The following SPEF1 variants were observed in gnomAD, a reference collection of about 807,000 sequenced individuals.
SPEF1 encodes sperm flagellar and cilia associated 1.
SPEF1 carries 30 observed loss-of-function variants against 31.8 expected under a neutral mutation model. The ratio of observed to expected loss-of-function variants is 0.94; its 90% CI spans 0.70 to 1.28. The LOEUF is 1.28. Among genes scored for constraint, SPEF1 ranks in the 50% most tolerant of loss-of-function variants. The pLI, the probability that SPEF1 is intolerant of heterozygous loss-of-function variation, is 0.00. For synonymous variants in SPEF1, 126 were observed against 130.1 expected, an observed-to-expected ratio of 0.97 and a Z score of 0.21; for missense variants, 298 against 309.6, an observed-to-expected ratio of 0.96 and a Z score of 0.28.
rs368982082 is a variant in SPEF1 at position 3,779,062 on chromosome 20, G to A, written c.379-72C>T. The A allele has an allele frequency of 3.8e-5, 61 of 1,608,558 alleles. 1 individual carries two copies. The African/African-American group carries it at 6.6e-4, about 17-fold the overall frequency. ...CCAAGGAGCCCCATGTCCCTTCCAC[G>A]GGCCCCCAGGCCAGGCTCTATTAGC... On this transcript the variant is annotated intron_variant, in intron 3 of 6. Coordinates refer to ENST00000379756, the MANE Select transcript of SPEF1 (RefSeq NM_015417.5).
intron 1 of SPEF1, among the ~76,000 whole-genome samples, chr20:3,780,788 C>G (rs2088774838): frequency 6.6e-6 from 1 of 152,094 alleles, no homozygotes; most frequent in African/African-American, 2.4e-5. Flanking sequence ...CACAAGACCC[C>G]CCCAAATACA....
At chr20:3,778,349 G>A (rs373825717) in intron 6 of SPEF1, 30 bp from the exon 7 acceptor site, 64 of 1,612,262 alleles carry the variant, frequency 4.0e-5, no homozygotes, top group Non-Finnish European at 4.8e-5. Context: ...CGTCAAGCCT[G>A]GCGGTCTGCT....
At chr20:3,779,533 G>A in intron 2 of SPEF1, 131 bp downstream of exon 2, 1 of 883,996 alleles carries the variant, frequency 1.1e-6, no homozygotes, top group South Asian at 1.5e-5. Context: ...CTTCCTAATA[G>A]AAGAGTCTCT....
At chr20:3,778,692 G>T in intron 5 of SPEF1, 54 bp downstream of exon 5, 2 of 1,599,710 alleles carry the variant, frequency 1.3e-6, no homozygotes, top group East Asian at 2.2e-5. Flanking sequence ...CCCAACCCCA[G>T]CTGTGTGCAG....
rs75877116 is a variant in SPEF1, at chr20:3,780,109, G to T, written c.110-334C>A. On this transcript the variant is annotated intron_variant, in intron 1 of 6. Transcript: ENST00000379756. ...TCCCAACACTTTGGGAGGCTGAGGC[G>T]GGTAGATCACCTGAGGCCAGGAGTT... Among the ~76,000 whole-genome samples the T allele has an allele frequency of 4.4e-4, 67 of 151,492 alleles. No individual in the cohort carries two copies. The East Asian group carries it at 0.012, about 28-fold the overall frequency.
At chr20:3,779,460 G>A (rs1230843321) in intron 2 of SPEF1, 108 bp from the exon 3 acceptor site, 4 of 1,054,780 alleles carry the variant, frequency 3.8e-6, no homozygotes, top group African/African-American at 3.1e-5. Context: ...GTACAGCCCT[G>A]GGGGAGTGAA....
Position 3,779,361 on chromosome 20 carries a change from T to C in SPEF1, c.222-9A>G. ...GCCTCTTCAGTACCTTCCTGAGGGG[T>C]AGACATTGGGATAGCAGATTGGGTC... On this transcript the variant is annotated splice_polypyrimidine_tract_variant and intron_variant, in intron 2 of 6. Coordinates refer to ENST00000379756, the MANE Select transcript of SPEF1 (RefSeq NM_015417.5). 2 of 1,585,668 alleles carry C rather than the reference T, an allele frequency of 1.3e-6. No individual in the cohort carries two copies. The highest frequency in any genetic ancestry group is 1.7e-6 in the Non-Finnish European group (2 of 1,159,850).
In SPEF1 at chr20:3,781,292, G is replaced by C; in HGVS notation, c.-5C>G. The C allele has an allele frequency of 6.2e-7, 1 of 1,613,102 alleles. No homozygotes were observed. On this transcript the variant is annotated 5_prime_UTR_variant, in exon 1 of 7. Coordinates refer to ENST00000379756, the MANE Select transcript of SPEF1 (RefSeq NM_015417.5). ...CTCGTCCACGCTGCTCGCCATTGGC[G>C]TCCTCACGGCCTGGCCGCCCCAGCG...
intron 1 of SPEF1, among the ~76,000 whole-genome samples, chr20:3,780,043 G>A (rs1022211153): frequency 2.6e-5 from 4 of 152,086 alleles, no homozygotes; most frequent in African/African-American, 9.7e-5. Flanking sequence ...TGGTCCTCCA[G>A]TAGAGAATGA....
At chr20:3,778,664 G>A in intron 5 of SPEF1, 82 bp downstream of exon 5, 1 of 1,585,098 alleles carries the variant, frequency 6.3e-7, no homozygotes, top group East Asian at 2.3e-5. Flanking sequence ...CCCGTCTCAG[G>A]CTCAGCGTAC....
chr20:3,779,987 GC>G (rs2088770281), intron 1 of SPEF1, among the ~76,000 whole-genome samples: 3 of 152,146 alleles, frequency 2.0e-5, no homozygotes, highest in Admixed American at 2.0e-4. Context: ...CCTCAGAGGA[GC>G]TGCATCCCTT....
chr20:3,779,024 G>C lies in SPEF1; in HGVS notation c.379-34C>G, dbSNP rs376631906. 46 of 1,613,930 alleles carry C rather than the reference G, an allele frequency of 2.9e-5. No homozygotes were observed. In the African/African-American group the frequency reaches 5.3e-4, roughly 19 times the overall value. On this transcript the variant is annotated intron_variant, in intron 3 of 6. Coordinates refer to ENST00000379756, the MANE Select transcript of SPEF1 (RefSeq NM_015417.5). ...ACCCCGGGGGTCCGCTGTAAGCCCG[G>C]GCTCAGTCATCCCCAAGGAGCCCCA...
Position 3,781,291 on chromosome 20 carries a change from C to T in SPEF1, c.-4G>A. 1.2e-6 allele frequency: 2 copies of T among 1,613,190 alleles called. No individual in the cohort carries two copies. The highest frequency in any genetic ancestry group is 8.5e-7 in the Non-Finnish European group (1 of 1,179,692). ...CCTCGTCCACGCTGCTCGCCATTGG[C>T]GTCCTCACGGCCTGGCCGCCCCAGC... On this transcript the variant is annotated 5_prime_UTR_variant, in exon 1 of 7. Transcript: ENST00000379756.
At position 3,779,279 on chromosome 20, in the gene SPEF1, C is replaced by T. The variant is rs779600290; in HGVS notation, c.295G>A (p.Val99Met). ...MRKIAQCAPG[V>M]VELVLIPLRQ... ...AGCGGGATGAGCACCAGCTCCACCA[C>T]GCCTGGGGCGCACTGCGCGATCTTG... The change falls in exon 3 of 7, where the codon GTG becomes ATG. Residue 99 changes from valine to methionine, a missense_variant. By Grantham distance (21) the Val-to-Met change is conservative. Coordinates refer to ENST00000379756, the MANE Select transcript of SPEF1 (RefSeq NM_015417.5). 15 of 1,598,622 alleles carry T rather than the reference C, an allele frequency of 9.4e-6. No homozygotes were observed. Among genetic ancestry groups the T allele is most frequent in the Middle Eastern group, 1.7e-4 (1 of 6,024 alleles).
Position 3,781,272 on chromosome 20 carries a change from C to T in SPEF1, c.16G>A (p.Asp6Asn), listed in dbSNP as rs760069339. The change falls in exon 1 of 7, where the codon GAC (aspartate) becomes AAC (asparagine). Residue 6 changes from aspartate to asparagine, a missense_variant. Asp to Asn is a conservative substitution (Grantham distance 23). Transcript: ENST00000379756. ...TACAGCTGGTGCAGCGCCTCCTCGT[C>T]CACGCTGCTCGCCATTGGCGTCCTC... MASSV[D>N]EEALHQLYLW... 21 of 1,613,910 alleles carry T rather than the reference C, an allele frequency of 1.3e-5. No individual in the cohort carries two copies. The highest frequency in any genetic ancestry group is 1.6e-5 in the Non-Finnish European group (19 of 1,179,982).
Position 3,779,578 on chromosome 20 carries a change from A to T in SPEF1, c.221+86T>A, listed in dbSNP as rs1600362171. 2.9e-6 allele frequency: 3 copies of T among 1,044,550 alleles called. No homozygotes were observed. In the South Asian group the frequency reaches 3.9e-5, roughly 14 times the overall value. The allele number at this position is 1,044,550 out of a possible 1,614,324, so 64.7% of individuals were successfully genotyped here. On this transcript the variant is annotated intron_variant, in intron 2 of 6. Coordinates refer to ENST00000379756, the MANE Select transcript of SPEF1 (RefSeq NM_015417.5). Reference sequence around the variant, plus strand: ...AATCGGACGAATTCTGTCTGCGTTGACCCTCCCCACCCTGCCACCAAAACA... The same window carrying T: ...AATCGGACGAATTCTGTCTGCGTTGTCCCTCCCCACCCTGCCACCAAAACA...
intron 5 of SPEF1, 91 bp from the exon 6 acceptor site, chr20:3,778,635 T>G: frequency 6.4e-7 from 1 of 1,566,480 alleles, no homozygotes; most frequent in Non-Finnish European, 8.6e-7. Flanking sequence ...CTTCTCCCCC[T>G]CTAGCCCCTT....
Position 3,779,681 on chromosome 20 carries a change from G to C in SPEF1, c.204C>G (p.Asn68Lys), listed in dbSNP as rs1186691298. 6.2e-7 allele frequency: 1 copy of C among 1,613,018 alleles called. No individual in the cohort carries two copies. The highest frequency in any genetic ancestry group is 8.5e-7 in the Non-Finnish European group (1 of 1,179,028). ...TCTGCTACCTGTTCAGATGACCCCA[G>C]TTGCTGAGCTTCTGCTGGAGAGAGT... ...PANSLQQKLS[N>K]WGHLNRKVLK... The change falls in exon 2 of 7, where the codon AAC becomes AAG. Residue 68 changes from asparagine (N) to lysine (K), a missense_variant. By Grantham distance (94) the Asn-to-Lys change is moderately conservative. Transcript: ENST00000379756.
Position 3,777,766 on chromosome 20 carries a change from A to C in SPEF1, c.*446T>G. On this transcript the variant is annotated 3_prime_UTR_variant, in exon 7 of 7. Transcript: ENST00000379756. The surrounding 1 kb of genome is among the most constrained non-coding windows in gnomAD (Gnocchi z 4.1). ...GACAGATTCCCCCATGGCTGAGGGC[A>C]TGGGGAACTAGCCTGGATGGAGACG... 1 of 154,366 alleles carries C rather than the reference A, an allele frequency of 6.5e-6. No individual in the cohort carries two copies. The highest frequency in any genetic ancestry group is 1.4e-5 in the Non-Finnish European group (1 of 69,358). The allele number at this position is 154,366 out of a possible 1,614,324, so 9.6% of individuals were successfully genotyped here.
Sources: gnomAD v4.1 joint callset for allele counts (sites outside exome capture counted in the v4.1 genomes callset) on GRCh38, gnomAD v4.1.1 for gene constraint, Gnocchi (gnomAD v3.1) non-coding constraint, MANE v1.5 for transcripts, NCBI Gene and HGNC (gene_info 2026-07-23, HGNC 2026-07-21) for gene names.